UBE4B: variants seen among roughly 807,000 people sequenced by gnomAD.
The protein encoded by UBE4B is ubiquitination factor E4B, also known as ubiquitin conjugation factor E4 B.
Under a neutral mutation model 148.1 loss-of-function variants are expected in UBE4B, and 27 were observed. The observed-to-expected ratio is 0.18, with a 90% CI of 0.13 to 0.25. UBE4B has a LOEUF of 0.25. Ranked by LOEUF, UBE4B falls within the 10% of genes least tolerant of loss-of-function variation. The pLI, the probability that UBE4B is intolerant of heterozygous loss-of-function variation, is 1.00. For synonymous variants in UBE4B, 596 were observed against 619.3 expected (o/e 0.96, Z 0.56); for missense variants, 1,170 against 1,662.4 (o/e 0.70, Z 5.15).
chr1:10,175,520 G>A (rs550434924), intron 25 of UBE4B, among the ~76,000 whole-genome samples: 141 of 151,818 alleles, frequency 9.3e-4, no homozygotes, highest in South Asian at 5.2e-3. Flanking sequence ...GCGTGGTGGC[G>A]GGCGCCCGTA....
rs779183499 is a variant in UBE4B, at chr1:10,106,277, C to G, written c.890C>G (p.Ser297Cys). The change falls in exon 7 of 28, where the codon TCC becomes TGC. Residue 297 changes from serine (S) to cysteine (C), a missense_variant. By Grantham distance (112) the Ser-to-Cys change is moderately radical (BLOSUM62 -1). Transcript: ENST00000343090. This position sits in a 1 kb window ranked among gnomAD's most constrained non-coding sequence, Gnocchi z 4.2. ...PVMGPSLASP[S>C]RAASQLAVPS... ...ATGGGCCCGTCTCTTGCCTCACCTTCCCGTGCAGCCAGCCAGTTGGCTGTG... is the reference window on the plus strand; with the variant it reads ...ATGGGCCCGTCTCTTGCCTCACCTTGCCGTGCAGCCAGCCAGTTGGCTGTG... 2 of 1,614,158 alleles carry G rather than the reference C, an allele frequency of 1.2e-6. No homozygotes were observed. Among genetic ancestry groups the G allele is most frequent in the Non-Finnish European group, 1.7e-6 (2 of 1,180,016 alleles).
intron 17 of UBE4B, among the ~76,000 whole-genome samples, chr1:10,138,488 C>G (rs1454251533): frequency 6.6e-6 from 1 of 152,152 alleles, no homozygotes; most frequent in Non-Finnish European, 1.5e-5. Context: ...ACTGCCTCCG[C>G]CTCCCAAAGT....
intron 10 of UBE4B, among the ~76,000 whole-genome samples, chr1:10,123,427 C>CA (rs34527607): frequency 0.11 from 4,050 of 35,294 alleles, 429 homozygotes; most frequent in African/African-American, 0.16. Context: ...AAGACTGTCT[C>CA]AAAAAAAAAA....
intron 25 of UBE4B, among the ~76,000 whole-genome samples, chr1:10,174,378 G>A (rs1557618473): frequency 6.9e-6 from 1 of 144,022 alleles, no homozygotes; most frequent in Admixed American, 7.2e-5. Flanking sequence ...GGGTGACAGA[G>A]CAAGACTCCA....
At chr1:10,139,211 C>T (rs1156395742) in intron 17 of UBE4B, among the ~76,000 whole-genome samples, 1 of 152,104 alleles carries the variant, frequency 6.6e-6, no homozygotes, top group African/African-American at 2.4e-5. Flanking sequence ...GCCTGGCCAA[C>T]ATAGTGAAAA....
chr1:10,063,917 A>G (rs994766588), intron 1 of UBE4B, among the ~76,000 whole-genome samples: 2 of 152,096 alleles, frequency 1.3e-5, no homozygotes. Flanking sequence ...AATGAAAAAA[A>G]AAAAAAAGAA....
At chr1:10,110,635 T>C (rs749882450) in intron 7 of UBE4B, among the ~76,000 whole-genome samples, 2 of 152,194 alleles carry the variant, frequency 1.3e-5, no homozygotes, top group Non-Finnish European at 2.9e-5. Context: ...TCCTAGGAAG[T>C]TGATGACTAG....
At chr1:10,100,204 T>C (rs1644988119) in intron 3 of UBE4B, among the ~76,000 whole-genome samples, 2 of 152,166 alleles carry the variant, frequency 1.3e-5, no homozygotes, top group Admixed American at 6.5e-5. Flanking sequence ...TTAGCCAGGA[T>C]GGTCTCGATT....
At chr1:10,055,221 C>T (rs1644140658) in intron 1 of UBE4B, among the ~76,000 whole-genome samples, 1 of 152,102 alleles carries the variant, frequency 6.6e-6, no homozygotes, top group Non-Finnish European at 1.5e-5. Flanking sequence ...TTAATGAATG[C>T]CAATTGGAAC....
chr1:10,051,879 A>G (rs899360207), intron 1 of UBE4B, among the ~76,000 whole-genome samples: 6 of 152,162 alleles, frequency 3.9e-5, no homozygotes, highest in African/African-American at 1.4e-4. Flanking sequence ...TAACTACTCA[A>G]CAGCTGCTAA....
At chr1:10,111,576 G>T (rs1294428306) in intron 7 of UBE4B, among the ~76,000 whole-genome samples, 1 of 152,152 alleles carries the variant, frequency 6.6e-6, no homozygotes, top group African/African-American at 2.4e-5. Flanking sequence ...CTACAGCAGT[G>T]CCTAGAACAC....
At chr1:10,034,845 A>T (rs1643441452) in intron 1 of UBE4B, among the ~76,000 whole-genome samples, 1 of 152,208 alleles carries the variant, frequency 6.6e-6, no homozygotes, top group Non-Finnish European at 1.5e-5. Context: ...ATACTTGGAT[A>T]CTTGGTTTGG....
At chr1:10,151,280 G>T (rs1361667747) in intron 20 of UBE4B, 46 bp from the exon 21 acceptor site, 2 of 1,578,692 alleles carry the variant, frequency 1.3e-6, no homozygotes, top group Non-Finnish European at 1.7e-6. Flanking sequence ...GAGTTTCTCA[G>T]CAGTTTCTCA....
intron 10 of UBE4B, among the ~76,000 whole-genome samples, chr1:10,124,030 C>T (rs1449235992): frequency 6.6e-6 from 1 of 152,146 alleles, no homozygotes; most frequent in African/African-American, 2.4e-5. Context: ...CCGCCTCAGC[C>T]GCCCAAAGTG....
intron 1 of UBE4B, chr1:10,059,415 G>T: frequency 4.8e-6 from 1 of 209,404 alleles, no homozygotes; most frequent in South Asian, 8.6e-5. Flanking sequence ...TAATTCCCCA[G>T]ATCCAGGAGG....
chr1:10,093,627 AT>A (rs1557545808), intron 2 of UBE4B, among the ~76,000 whole-genome samples: 1 of 151,934 alleles, frequency 6.6e-6, no homozygotes, highest in Non-Finnish European at 1.5e-5. Flanking sequence ...TTAAAATTGT[AT>A]TTATTCAGTG....
At chr1:10,099,158 C>A (rs1017964171) in intron 3 of UBE4B, among the ~76,000 whole-genome samples, 6 of 152,090 alleles carry the variant, frequency 3.9e-5, no homozygotes, top group African/African-American at 1.4e-4. Context: ...AGGAGAATTG[C>A]TTGAACCTGG....
At chr1:10,171,492 TC>T (rs1433037958) in intron 25 of UBE4B, among the ~76,000 whole-genome samples, 163 bp downstream of exon 25, 2 of 152,192 alleles carry the variant, frequency 1.3e-5, no homozygotes, top group Non-Finnish European at 2.9e-5. Context: ...AGGCCTGTAA[TC>T]CCAACATTCT....
intron 11 of UBE4B, among the ~76,000 whole-genome samples, chr1:10,127,511 C>T (rs1406350238): frequency 2.0e-5 from 3 of 152,084 alleles, no homozygotes; most frequent in African/African-American, 4.8e-5. Flanking sequence ...GTTCTGAATT[C>T]GCTTATTTGA....
Sources: allele counts gnomAD v4.1 joint callset (sites outside exome capture counted in the v4.1 genomes callset), GRCh38; gene constraint gnomAD v4.1.1; non-coding constraint Gnocchi (gnomAD v3.1); transcripts MANE v1.5; gene names NCBI Gene and HGNC (gene_info 2026-07-23, HGNC 2026-07-21).